LPIN1: variants seen among roughly 807,000 people sequenced by gnomAD.
LPIN1 encodes lipin 1.
Under a neutral mutation model 107.5 loss-of-function variants are expected in LPIN1, and 71 were observed. That is an observed-to-expected ratio of 0.66 (90% CI 0.55 to 0.80). LPIN1 has a LOEUF of 0.80. LPIN1 is among the 30% of genes least tolerant of loss of function. LPIN1 has a pLI of 0.00. For synonymous variants in LPIN1, 445 were observed against 452.6 expected (o/e 0.98, Z 0.21); for missense variants, 1,043 against 1,160.6 (o/e 0.90, Z 1.47).
intron 1 of LPIN1, among the ~76,000 whole-genome samples, chr2:11,711,567 A>G (rs1255906505): frequency 1.3e-5 from 2 of 152,104 alleles, no homozygotes; most frequent in Non-Finnish European, 2.9e-5. Context: ...TAATTTAGTG[A>G]ATGATATAAT....
chr2:11,820,600 C>T, intron 20 of LPIN1, 86 bp downstream of exon 20: 1 of 867,356 alleles, frequency 1.2e-6, no homozygotes, highest in East Asian at 2.5e-5. Flanking sequence ...GTACCTTTTC[C>T]CCTTTGCTGC....
chr2:11,760,618 C>T (rs1315633976), intron 1 of LPIN1, among the ~76,000 whole-genome samples: 2 of 151,710 alleles, frequency 1.3e-5, no homozygotes, highest in Non-Finnish European at 2.9e-5. Flanking sequence ...TGCAGTGAGC[C>T]GAGATGGCGG....
chr2:11,805,497 G>A lies in LPIN1; in HGVS notation c.2249+341G>A, dbSNP rs559819174. The stretch of plus-strand genomic sequence containing the variant: ...CAGTTGAAGAAATAGGAGCTTATAT[G>A]TTATATATGCCAAGTGATTTTCTGT... On this transcript the variant is annotated intron_variant, in intron 17 of 20. Coordinates refer to ENST00000674199, the MANE Select transcript of LPIN1 (RefSeq NM_001349206.2). 1.5e-5 allele frequency: 6 copies of A among 406,184 alleles called. No homozygotes were observed. The East Asian group carries it at 2.7e-4, about 18-fold the overall frequency. 25.2% of individuals were successfully genotyped at this position (406,184 alleles called of 1,614,324 possible). A position where few individuals can be genotyped will look rare whatever the true frequency, so the allele number is the denominator to read the frequency against.
At chr2:11,812,535 G>A (rs1449694314) in intron 17 of LPIN1, among the ~76,000 whole-genome samples, 2 of 152,178 alleles carry the variant, frequency 1.3e-5, no homozygotes, top group Non-Finnish European at 2.9e-5. Flanking sequence ...CAGACTGGGG[G>A]AAAGGTGCTC....
At chr2:11,768,980 C>T (rs541441802) in intron 3 of LPIN1, among the ~76,000 whole-genome samples, 8 of 151,960 alleles carry the variant, frequency 5.3e-5, no homozygotes, top group African/African-American at 1.9e-4. Flanking sequence ...AAAAAACCAA[C>T]TTGGGTTGTT....
At chr2:11,797,871 T>A (rs1677001541) in intron 14 of LPIN1, among the ~76,000 whole-genome samples, 1 of 152,058 alleles carries the variant, frequency 6.6e-6, no homozygotes, top group African/African-American at 2.4e-5. Context: ...TTTGGGAGGG[T>A]CCAGGGGCAG....
chr2:11,814,295 C>A (rs1680189658), intron 17 of LPIN1, among the ~76,000 whole-genome samples: 1 of 152,034 alleles, frequency 6.6e-6, no homozygotes, highest in Non-Finnish European at 1.5e-5. Context: ...GAGTTGATAC[C>A]TGGGTTTGGC....
At chr2:11,822,798 G>A (rs1031567722) in intron 20 of LPIN1, among the ~76,000 whole-genome samples, 3 of 152,178 alleles carry the variant, frequency 2.0e-5, no homozygotes, top group African/African-American at 4.8e-5. Context: ...TGCCATGCAC[G>A]CATGGAAAGA....
chr2:11,677,797 C>A, intron 1 of LPIN1: 1 of 1,334,278 alleles, frequency 7.5e-7, no homozygotes. Flanking sequence ...CCCAGGTGCC[C>A]GCGTACTGAT....
At chr2:11,813,276 T>C (rs1037132087) in intron 17 of LPIN1, among the ~76,000 whole-genome samples, 16 of 152,338 alleles carry the variant, frequency 1.1e-4, no homozygotes, top group African/African-American at 3.6e-4. Context: ...GTGTTTAAAA[T>C]TTTTGAATAA....
chr2:11,721,276 G>GACC (rs1329930934), upstream of LPIN1, among the ~76,000 whole-genome samples: 1 of 150,622 alleles, frequency 6.6e-6, no homozygotes, highest in Non-Finnish European at 1.5e-5. Context: ...GTGTGTGTGT[G>GACC]TGTGTGTGTG....
rs1674545119 is a variant in LPIN1 at position 11,786,190 on chromosome 2, A to T, written c.1550-884A>T. On this transcript the variant is annotated intron_variant, in intron 10 of 20. Coordinates refer to ENST00000674199, the MANE Select transcript of LPIN1 (RefSeq NM_001349206.2). The surrounding 1 kb of genome is among the most constrained non-coding windows in gnomAD (Gnocchi z 4.1). ...CGTCACAGTCAGGAGACCCCAGGAG[A>T]GTCCCCGGAGGTCCTGATTAGGGCT... 6.6e-6 allele frequency among the ~76,000 whole-genome samples: 1 copy of T among 152,108 alleles called. No homozygotes were observed. Among genetic ancestry groups the T allele is most frequent in the Non-Finnish European group, 1.5e-5 (1 of 68,006 alleles).
intron 1 of LPIN1, among the ~76,000 whole-genome samples, chr2:11,759,049 TG>T (rs2148597949): frequency 6.6e-6 from 1 of 152,190 alleles, no homozygotes; most frequent in East Asian, 1.9e-4. Context: ...CTCAGGCCAA[TG>T]CGCCCCCTTT....
chr2:11,801,203 T>C (rs539015289), intron 14 of LPIN1, among the ~76,000 whole-genome samples: 1 of 152,346 alleles, frequency 6.6e-6, no homozygotes, highest in South Asian at 2.1e-4. Context: ...TGGAGATTTC[T>C]TAGAAAACTA....
rs147550491 is a variant in LPIN1 at position 11,805,131 on chromosome 2, G to A, written c.2224G>A (p.Ala742Thr). 9.9e-6 allele frequency: 16 copies of A among 1,613,808 alleles called. No homozygotes were observed. Among genetic ancestry groups the A allele is most frequent in the African/African-American group, 6.7e-5 (5 of 74,888 alleles). Residue 742 changes from alanine to threonine, a missense_variant, in exon 17 of 21, where the codon GCT (alanine) becomes ACT (threonine). Ala to Thr is a moderately conservative substitution (Grantham distance 58, BLOSUM62 0). Coordinates refer to ENST00000674199, the MANE Select transcript of LPIN1 (RefSeq NM_001349206.2). ...GAAGGATTGGACCCATCAGGGCATC[G>A]CTAAGCTGTACCATAAAGTGAGCCA... ...LGKDWTHQGI[A>T]KLYHKVSQNG...
chr2:11,698,840 C>T (rs1414415718), intron 1 of LPIN1, among the ~76,000 whole-genome samples: 3 of 152,190 alleles, frequency 2.0e-5, no homozygotes, highest in Non-Finnish European at 4.4e-5. Context: ...TCAGCCTGAG[C>T]CAGTGGTTGG....
chr2:11,714,912 C>A (rs1311094448), intron 2 of LPIN1, among the ~76,000 whole-genome samples: 1 of 152,154 alleles, frequency 6.6e-6, no homozygotes, highest in South Asian at 2.1e-4. Flanking sequence ...AGAGGTTCGT[C>A]GTTGAGACGA....
chr2:11,779,476 G>A, intron 6 of LPIN1, 43 bp from the exon 7 acceptor site: 1 of 1,609,170 alleles, frequency 6.2e-7, no homozygotes, highest in Non-Finnish European at 8.5e-7. Flanking sequence ...ATTTACAAAA[G>A]TTTCTTTTCC....
intron 20 of LPIN1, among the ~76,000 whole-genome samples, chr2:11,820,720 T>G (rs1681368371): frequency 6.6e-6 from 1 of 152,202 alleles, no homozygotes; most frequent in African/African-American, 2.4e-5. Context: ...CCCTTCTGGG[T>G]CTAAAATTTA....
Sources: gnomAD v4.1 joint callset for allele counts (sites outside exome capture counted in the v4.1 genomes callset) on GRCh38, gnomAD v4.1.1 for gene constraint, Gnocchi (gnomAD v3.1) non-coding constraint, MANE v1.5 for transcripts, NCBI Gene and HGNC (gene_info 2026-07-23, HGNC 2026-07-21) for gene names.